NWD2: variants seen among roughly 807,000 people sequenced by gnomAD.
NWD2 encodes the protein NACHT and WD repeat domain-containing protein 2.
A neutral mutation model predicts 132.7 loss-of-function variants in NWD2; 37 were observed. The observed-to-expected ratio is 0.28, with a 90% CI of 0.21 to 0.37. NWD2 has a LOEUF of 0.37. NWD2 is among the 10% of genes least tolerant of loss of function. The probability of loss-of-function intolerance (pLI) is 1.00; values close to 1 mark genes in which losing one functional copy is unlikely to be tolerated. For missense variants in NWD2, 1,592 were observed against 2,122.4 expected (o/e 0.75, Z 4.91); for synonymous variants, 705 against 803.0 (o/e 0.88, Z 2.06).
At chr4:37,259,465 G>C (rs936694911) in intron 1 of NWD2, among the ~76,000 whole-genome samples, 4 of 152,182 alleles carry the variant, frequency 2.6e-5, no homozygotes, top group African/African-American at 9.6e-5. Context: ...GTGAAGAGGA[G>C]GTCATGGCAT....
intron 2 of NWD2, among the ~76,000 whole-genome samples, chr4:37,347,747 G>A (rs1280674616): frequency 6.6e-6 from 1 of 152,176 alleles, no homozygotes; most frequent in African/African-American, 2.4e-5. Flanking sequence ...GAAGATCAGA[G>A]AAGAGCAAGT....
At chr4:37,315,796 T>A (rs1353652459) in intron 1 of NWD2, among the ~76,000 whole-genome samples, 1 of 152,062 alleles carries the variant, frequency 6.6e-6, no homozygotes, top group East Asian at 1.9e-4. Flanking sequence ...TAAATAGATA[T>A]TTTAGTATAT....
chr4:37,291,101 G>A (rs1445752235), intron 1 of NWD2, among the ~76,000 whole-genome samples: 15 of 152,102 alleles, frequency 9.9e-5, no homozygotes, highest in Admixed American at 9.2e-4. Context: ...AAATCAGCCC[G>A]GGACATTCAG....
At chr4:37,332,466 A>C (rs560723602) in intron 2 of NWD2, among the ~76,000 whole-genome samples, 6 of 151,990 alleles carry the variant, frequency 3.9e-5, no homozygotes, top group Admixed American at 1.3e-4. Context: ...GAAAAAAAAA[A>C]AAAAAAGGAC....
intron 2 of NWD2, among the ~76,000 whole-genome samples, chr4:37,332,456 GAAAA>G (rs34529414): frequency 3.8e-5 from 5 of 130,592 alleles, no homozygotes; most frequent in African/African-American, 5.7e-5. Flanking sequence ...CTGCTGCCTT[GAAAA>G]AAAAAAAAAA....
At chr4:37,318,016 CTTTCTTT>C (rs1718993049) in intron 1 of NWD2, among the ~76,000 whole-genome samples, 13 of 131,912 alleles carry the variant, frequency 9.9e-5, no homozygotes, top group East Asian at 4.2e-4. Context: ...TTTCTTTTTT[CTTTCTTT>C]TTTTTTTTTT....
At chr4:37,389,854 C>T (rs562346678) in intron 3 of NWD2, among the ~76,000 whole-genome samples, 375 of 152,108 alleles carry the variant, frequency 2.5e-3, no homozygotes, top group African/African-American at 3.4e-3. Context: ...AGTCTCGGCT[C>T]ACTGCAACCT....
chr4:37,367,665 A>G (rs1720129462), intron 3 of NWD2, among the ~76,000 whole-genome samples: 1 of 152,226 alleles, frequency 6.6e-6, no homozygotes, highest in African/African-American at 2.4e-5. Context: ...ACACACAGGT[A>G]AAATTGAAAC....
At chr4:37,299,092 C>T (rs1718562077) in intron 1 of NWD2, among the ~76,000 whole-genome samples, 1 of 152,146 alleles carries the variant, frequency 6.6e-6, no homozygotes, top group Non-Finnish European at 1.5e-5. Flanking sequence ...CATTTGCATT[C>T]CTCCTTTTCC....
At chr4:37,441,303 T>C (rs902145795) in intron 6 of NWD2, among the ~76,000 whole-genome samples, 4 of 152,208 alleles carry the variant, frequency 2.6e-5, no homozygotes, top group African/African-American at 9.6e-5. Flanking sequence ...ATCTTCAAAC[T>C]TTAGAATTAT....
chr4:37,267,110 G>A (rs1717768563), intron 1 of NWD2, among the ~76,000 whole-genome samples: 2 of 151,974 alleles, frequency 1.3e-5, no homozygotes, highest in African/African-American at 4.8e-5. Flanking sequence ...GGAAGAAGGA[G>A]AAACAGAAAA....
chr4:37,331,707 G>C (rs372335700), intron 2 of NWD2, among the ~76,000 whole-genome samples: 2 of 152,144 alleles, frequency 1.3e-5, no homozygotes, highest in African/African-American at 4.8e-5. Flanking sequence ...ACACAAAATA[G>C]CATGAGAACC....
At chr4:37,358,925 G>C (rs1719922914) in intron 3 of NWD2, among the ~76,000 whole-genome samples, 1 of 152,148 alleles carries the variant, frequency 6.6e-6, no homozygotes, top group Non-Finnish European at 1.5e-5. Flanking sequence ...TTGGAAGACA[G>C]GTTAGGCCAG....
intron 1 of NWD2, among the ~76,000 whole-genome samples, chr4:37,300,406 C>G (rs780807407): frequency 6.6e-6 from 1 of 151,914 alleles, no homozygotes; most frequent in African/African-American, 2.4e-5. Flanking sequence ...ATATATTATT[C>G]GAATTAGTAG....
chr4:37,362,242 C>T (rs1719995290), intron 3 of NWD2, among the ~76,000 whole-genome samples: 1 of 152,072 alleles, frequency 6.6e-6, no homozygotes. Flanking sequence ...TCATTCTGCC[C>T]AAAGCAATCT....
At chr4:37,372,741 C>T (rs1194911256) in intron 3 of NWD2, among the ~76,000 whole-genome samples, 3 of 152,206 alleles carry the variant, frequency 2.0e-5, no homozygotes, top group Admixed American at 6.5e-5. Context: ...TCTACTGCCG[C>T]GTATCTTAAG....
chr4:37,386,234 G>A (rs1720562395), intron 3 of NWD2, among the ~76,000 whole-genome samples: 1 of 151,600 alleles, frequency 6.6e-6, no homozygotes, highest in Admixed American at 6.6e-5. Context: ...AATAAAAAAA[G>A]CAATCCTAAG....
At chr4:37,288,920 AG>A (rs1718300486) in intron 1 of NWD2, among the ~76,000 whole-genome samples, 1 of 152,128 alleles carries the variant, frequency 6.6e-6, no homozygotes, top group Non-Finnish European at 1.5e-5. Flanking sequence ...AATAAAACTG[AG>A]CTCTAGGGAA....
chr4:37,350,402 C>T (rs1719736361), intron 2 of NWD2, among the ~76,000 whole-genome samples: 1 of 152,058 alleles, frequency 6.6e-6, no homozygotes. Flanking sequence ...CTTTCACATC[C>T]CTTGTAAGTT....
Sources: gnomAD v4.1 joint callset for allele counts (sites outside exome capture counted in the v4.1 genomes callset) on GRCh38, gnomAD v4.1.1 for gene constraint, MANE v1.5 for transcripts, NCBI Gene and HGNC (gene_info 2026-07-23, HGNC 2026-07-21) for gene names.